Variants in SYTL5 observed in about 807,000 individuals in gnomAD.
SYTL5 encodes synaptotagmin-like protein 5.
Under a neutral mutation model 55.9 loss-of-function variants are expected in SYTL5, and 34 were observed. That is an observed-to-expected ratio of 0.61 (90% confidence interval 0.46 to 0.81). The LOEUF is 0.81. SYTL5 is among the 30% of genes least tolerant of loss of function. SYTL5 has a pLI of 0.00. For missense variants in SYTL5, 637 were observed against 546.7 expected (o/e 1.17, Z -1.65); for synonymous variants, 221 against 188.7 (o/e 1.17, Z -1.40).
intron 7 of SYTL5, among the ~76,000 whole-genome samples, chrX:38,093,468 T>C (rs772377815): frequency 1.8e-5 from 2 of 111,926 alleles, no homozygotes; most frequent in African/African-American, 3.2e-5. Context: ...AAATTTGTTA[T>C]AGTTGTTGTT....
the SYTL5 span, among the ~76,000 whole-genome samples, chrX:37,959,818 C>A: frequency 8.9e-6 from 1 of 111,792 alleles, no homozygotes; most frequent in Non-Finnish European, 1.9e-5. Context: ...GCCCTTGTAG[C>A]GGCTCTCTGC....
intron 13 of SYTL5, among the ~76,000 whole-genome samples, chrX:38,110,926 T>TA (rs1037843348): frequency 2.2e-4 from 25 of 111,893 alleles, no homozygotes; most frequent in African/African-American, 8.1e-4. Context: ...AACCAGTAGC[T>TA]AAAGTATCTG....
chrX:38,085,800 C>T (rs1421959391), intron 6 of SYTL5, among the ~76,000 whole-genome samples: 4 of 111,217 alleles, frequency 3.6e-5, no homozygotes. Flanking sequence ...TCCTAGGAGA[C>T]CTTTATGTAA....
At chrX:37,943,574 G>C in the SYTL5 span, among the ~76,000 whole-genome samples, 1 of 111,454 alleles carries the variant, frequency 9.0e-6, no homozygotes, top group African/African-American at 3.3e-5. Context: ...ATTTGATATC[G>C]AGGATGGGGG....
upstream of SYTL5, chrX:38,006,442 G>A (rs1933989960): frequency 9.0e-6 from 1 of 111,635 alleles, no homozygotes; most frequent in African/African-American, 3.2e-5. Flanking sequence ...TGAAAGCTCA[G>A]CTTTAGAGAT....
chrX:38,032,079 AGATCTC>A (rs1457704263), intron 1 of SYTL5, among the ~76,000 whole-genome samples: 1 of 112,198 alleles, frequency 8.9e-6, no homozygotes, highest in Non-Finnish European at 1.9e-5. Flanking sequence ...CTCTCCTTTC[AGATCTC>A]CTGAGATTTT....
At chrX:38,113,796 G>A (rs759864711) in intron 13 of SYTL5, among the ~76,000 whole-genome samples, 1 of 111,619 alleles carries the variant, frequency 9.0e-6, no homozygotes, top group Admixed American at 9.5e-5. Flanking sequence ...CGGGCTGCTA[G>A]AGAGGGCTTG....
At chrX:38,094,712 T>C (rs1392407774) in intron 8 of SYTL5, among the ~76,000 whole-genome samples, 1 of 111,711 alleles carries the variant, frequency 9.0e-6, no homozygotes, top group African/African-American at 3.2e-5. Flanking sequence ...ATGAAGGAAA[T>C]ATAAATTATT....
chrX:37,962,173 A>C, the SYTL5 span, among the ~76,000 whole-genome samples: 3 of 110,569 alleles, frequency 2.7e-5, no homozygotes, highest in African/African-American at 9.9e-5. Flanking sequence ...TGCTGCACCC[A>C]TTAACTCGTC....
At chrX:37,904,627 G>A in the SYTL5 span, among the ~76,000 whole-genome samples, 1 of 111,408 alleles carries the variant, frequency 9.0e-6, no homozygotes, top group African/African-American at 3.3e-5. Context: ...CATGTGCTGG[G>A]TTATTAGTAC....
the SYTL5 span, among the ~76,000 whole-genome samples, chrX:37,930,759 G>A: frequency 8.9e-6 from 1 of 112,037 alleles, no homozygotes; most frequent in African/African-American, 3.2e-5. Context: ...ACAAACACAG[G>A]GTTTGCATCA....
chrX:38,043,002 TAA>T (rs201745865), intron 2 of SYTL5, among the ~76,000 whole-genome samples: 6,025 of 111,942 alleles, frequency 0.054, 151 homozygotes, highest in Middle Eastern at 0.11. Context: ...AAATTTATAA[TAA>T]GATTAGGCTA....
the SYTL5 span, among the ~76,000 whole-genome samples, chrX:37,972,040 G>A: frequency 5.5e-5 from 6 of 109,697 alleles, no homozygotes; most frequent in African/African-American, 1.0e-4. Flanking sequence ...TTTCCTGGAC[G>A]AGCCATTTTT....
At chrX:37,963,248 C>A in the SYTL5 span, among the ~76,000 whole-genome samples, 1 of 108,495 alleles carries the variant, frequency 9.2e-6, no homozygotes, top group Non-Finnish European at 1.9e-5. Context: ...TATTAATATA[C>A]AACAAATCCT....
chrX:38,030,474 A>G (rs1947545717), intron 1 of SYTL5, among the ~76,000 whole-genome samples: 1 of 111,911 alleles, frequency 8.9e-6, no homozygotes, highest in South Asian at 3.7e-4. Flanking sequence ...AATTTTAACC[A>G]TAGCGCTCTT....
chrX:38,109,455 G>T (rs904084794), intron 12 of SYTL5, among the ~76,000 whole-genome samples: 6 of 110,797 alleles, frequency 5.4e-5, no homozygotes, highest in African/African-American at 2.0e-4. Flanking sequence ...CCACAAGCCT[G>T]CATGTGTCAG....
chrX:38,023,603 G>A (rs768701010), intron 1 of SYTL5, among the ~76,000 whole-genome samples: 26 of 111,091 alleles, frequency 2.3e-4, no homozygotes, highest in African/African-American at 6.5e-4. Context: ...TTTTCAGCTC[G>A]CAATATAACT....
chrX:38,057,545 T>C (rs1935826480), intron 3 of SYTL5, among the ~76,000 whole-genome samples: 1 of 111,725 alleles, frequency 9.0e-6, no homozygotes, highest in Non-Finnish European at 1.9e-5. Context: ...CTGTGAAAAA[T>C]GTAATTGGTA....
At chrX:38,115,483 C>CAA (rs772227891) in intron 13 of SYTL5, among the ~76,000 whole-genome samples, 326 of 17,408 alleles carry the variant, frequency 0.019, 25 homozygotes, top group Middle Eastern at 0.029. Context: ...GACTCCGTCT[C>CAA]AAAAAAAAAA....
Sources: gnomAD v4.1 joint callset for allele counts (sites outside exome capture counted in the v4.1 genomes callset) on GRCh38, gnomAD v4.1.1 for gene constraint, MANE v1.5 for transcripts, NCBI Gene and HGNC (gene_info 2026-07-23, HGNC 2026-07-21) for gene names.